ZDHHC18: variants seen among roughly 807,000 people sequenced by gnomAD.
ZDHHC18 encodes the protein zDHHC palmitoyltransferase 18, also known as palmitoyltransferase ZDHHC18.
Under a neutral mutation model 37.5 loss-of-function variants are expected in ZDHHC18, and 23 were observed. The observed-to-expected ratio is 0.61, with a 90% CI of 0.44 to 0.87. The LOEUF (loss-of-function observed/expected upper bound fraction) is 0.87, where lower values mean the gene tolerates loss of function less well. ZDHHC18 is among the 40% of genes least tolerant of loss of function. ZDHHC18 has a pLI of 0.00. For missense variants in ZDHHC18, 406 were observed against 525.6 expected (o/e 0.77, Z 2.22); for synonymous variants, 185 against 218.7 (o/e 0.85, Z 1.36).
At chr1:26,827,184 C>A in intron 1 of ZDHHC18, 45 bp downstream of exon 1, 1 of 1,300,840 alleles carries the variant, frequency 7.7e-7, no homozygotes, top group South Asian at 2.2e-5. Context: ...CCCTGCCGCG[C>A]ACCCCACCTT....
In ZDHHC18 at chr1:26,850,675, T is replaced by C; in HGVS notation, c.833+69T>C. 1 of 1,551,004 alleles carries C rather than the reference T, an allele frequency of 6.4e-7. No homozygotes were observed. Among genetic ancestry groups the C allele is most frequent in the Admixed American group, 1.7e-5 (1 of 57,970 alleles). Reference sequence around the variant, plus strand: ...CCCTTCACTGGGTGGGTGCCCTGCCTCATCCTCTAATCAGAAGGGAACAGC... The same window carrying C: ...CCCTTCACTGGGTGGGTGCCCTGCCCCATCCTCTAATCAGAAGGGAACAGC... On this transcript the variant is annotated intron_variant, in intron 5 of 7. Transcript: ENST00000374142. The surrounding 1 kb of genome is among the most constrained non-coding windows in gnomAD (Gnocchi z 6.1).
rs572380758 is a variant in ZDHHC18, at chr1:26,836,725, C to T, written c.496+4118C>T. The stretch of plus-strand genomic sequence containing the variant: ...CTGGGACTACAGGCACCTGCTACCA[C>T]GCCCAGCTAATTTTTCGTATTTTTA... On this transcript the variant is annotated intron_variant, in intron 2 of 7. Transcript: ENST00000374142. Among the ~76,000 whole-genome samples, 34 of 150,372 alleles carry T rather than the reference C, an allele frequency of 2.3e-4. 1 individual carries two copies. In the South Asian group the frequency reaches 4.4e-3, roughly 19 times the overall value.
In ZDHHC18 at chr1:26,856,038, C is replaced by G. The variant is rs2081732405; in HGVS notation, c.*2195C>G. On this transcript the variant is annotated 3_prime_UTR_variant, in exon 8 of 8. Transcript: ENST00000374142. The surrounding 1 kb of genome is among the most constrained non-coding windows in gnomAD (Gnocchi z 5.2). ...CCCTACTGCCTTTCCACTCCGATCC[C>G]CAATGAGTGCCCAGCTAAGAAAATG... 3 of 351,130 alleles carry G rather than the reference C, an allele frequency of 8.5e-6. No individual in the cohort carries two copies. The highest frequency in any genetic ancestry group is 1.8e-5 in the Non-Finnish European group (3 of 163,170). The allele number at this position is 351,130 out of a possible 1,614,324, so 21.8% of individuals were successfully genotyped here.
intron 2 of ZDHHC18, among the ~76,000 whole-genome samples, chr1:26,836,034 C>G (rs539187428): frequency 6.6e-6 from 1 of 152,198 alleles, no homozygotes; most frequent in East Asian, 1.9e-4. Context: ...TCAGGGCACT[C>G]GGTCACCCTC....
intron 1 of ZDHHC18, chr1:26,832,181 G>A (rs1481253059): frequency 6.7e-6 from 3 of 450,682 alleles, no homozygotes; most frequent in Non-Finnish European, 1.2e-5. Context: ...TGGATGCAGA[G>A]GTTAGGAGTG....
Position 26,854,081 on chromosome 1 carries a change from CCAG to C in ZDHHC18, c.*239_*241del. 1 of 510,188 alleles carries C rather than the reference CCAG, an allele frequency of 2.0e-6. No homozygotes were observed. Among genetic ancestry groups the C allele is most frequent in the Non-Finnish European group, 3.5e-6 (1 of 282,572 alleles). The allele number at this position is 510,188 out of a possible 1,614,324, so 31.6% of individuals were successfully genotyped here. Reference sequence around the variant, plus strand: ...CCCAGCTGATCAGTGCCAGGAGAGACCAGAGCCTCTGGAGGCTACCCAGGGGAC... The same window carrying C: ...CCCAGCTGATCAGTGCCAGGAGAGACAGCCTCTGGAGGCTACCCAGGGGAC... On this transcript the variant is annotated 3_prime_UTR_variant, in exon 8 of 8. Coordinates refer to ENST00000374142, the MANE Select transcript of ZDHHC18 (RefSeq NM_032283.3). The surrounding 1 kb of genome is among the most constrained non-coding windows in gnomAD (Gnocchi z 4.6).
At chr1:26,845,625 G>A (rs926678652) in intron 2 of ZDHHC18, among the ~76,000 whole-genome samples, 9 of 151,552 alleles carry the variant, frequency 5.9e-5, no homozygotes, top group Non-Finnish European at 1.3e-4. Context: ...GAGCCACCGC[G>A]CCCGGCCTCA....
intron 6 of ZDHHC18, among the ~76,000 whole-genome samples, chr1:26,852,218 T>C (rs2081708411): frequency 6.6e-6 from 1 of 152,212 alleles, no homozygotes; most frequent in African/African-American, 2.4e-5. Flanking sequence ...TAGAAAACTC[T>C]AGGTTAAAGT....
At chr1:26,829,265 C>T (rs1346706652) in intron 1 of ZDHHC18, among the ~76,000 whole-genome samples, 2 of 152,112 alleles carry the variant, frequency 1.3e-5, no homozygotes, top group African/African-American at 2.4e-5. Flanking sequence ...TGGATTGTTG[C>T]ACAGGCCTCC....
At chr1:26,834,009 G>A (rs146232400) in intron 2 of ZDHHC18, among the ~76,000 whole-genome samples, 2 of 152,220 alleles carry the variant, frequency 1.3e-5, no homozygotes, top group East Asian at 1.9e-4. Context: ...TACATCCAGC[G>A]TCCTACCCCT....
At chr1:26,845,624 C>T (rs370704679) in intron 2 of ZDHHC18, among the ~76,000 whole-genome samples, 5 of 151,930 alleles carry the variant, frequency 3.3e-5, no homozygotes, top group African/African-American at 7.2e-5. Context: ...TGAGCCACCG[C>T]GCCCGGCCTC....
At chr1:26,839,183 C>T (rs557631167) in intron 2 of ZDHHC18, among the ~76,000 whole-genome samples, 22 of 152,326 alleles carry the variant, frequency 1.4e-4, no homozygotes, top group African/African-American at 5.1e-4. Flanking sequence ...CCTTGCTTTT[C>T]GTCTCATTTT....
chr1:26,827,611 G>A (rs1435570535), intron 1 of ZDHHC18, among the ~76,000 whole-genome samples: 1 of 151,746 alleles, frequency 6.6e-6, no homozygotes, highest in Non-Finnish European at 1.5e-5. Context: ...TCTAGATCTT[G>A]TGTGTCCTTT....
At chr1:26,847,661 T>A (rs566347798) in intron 2 of ZDHHC18, among the ~76,000 whole-genome samples, 25 of 152,230 alleles carry the variant, frequency 1.6e-4, no homozygotes, top group African/African-American at 5.8e-4. Context: ...TAGAATCATC[T>A]CCTCTCTGCC....
At chr1:26,827,365 C>T (rs1298428164) in intron 1 of ZDHHC18, among the ~76,000 whole-genome samples, 3 of 151,086 alleles carry the variant, frequency 2.0e-5, no homozygotes, top group African/African-American at 7.3e-5. Flanking sequence ...CCCATCCGCG[C>T]TGGTGCCCTC....
intron 2 of ZDHHC18, among the ~76,000 whole-genome samples, chr1:26,833,431 G>T (rs891879932): frequency 1.1e-4 from 16 of 152,124 alleles, no homozygotes; most frequent in Admixed American, 1.0e-3. Flanking sequence ...AGGTCAGGTG[G>T]TCAGGGGAGA....
At position 26,856,071 on chromosome 1, in the gene ZDHHC18, C is replaced by G. The variant is rs2081732517; in HGVS notation, c.*2228C>G. On this transcript the variant is annotated 3_prime_UTR_variant, in exon 8 of 8. Coordinates refer to ENST00000374142, the MANE Select transcript of ZDHHC18 (RefSeq NM_032283.3). The surrounding 1 kb of genome is among the most constrained non-coding windows in gnomAD (Gnocchi z 5.2). ...TGCCCAGCTAAGAAAATGTTTGAGACAGTAGATTCCAGTTTGAGAGCCGGA... is the reference window on the plus strand; with the variant it reads ...TGCCCAGCTAAGAAAATGTTTGAGAGAGTAGATTCCAGTTTGAGAGCCGGA... 5.1e-6 allele frequency: 2 copies of G among 394,420 alleles called. No homozygotes were observed. Among genetic ancestry groups the G allele is most frequent in the African/African-American group, 2.0e-5 (1 of 48,846 alleles). 24.4% of individuals were successfully genotyped at this position (394,420 alleles called of 1,614,324 possible).
In ZDHHC18 at chr1:26,832,621, TC is replaced by T; in HGVS notation, c.496+17del. 3 of 1,612,322 alleles carry T rather than the reference TC, an allele frequency of 1.9e-6. No individual in the cohort carries two copies. The highest frequency in any genetic ancestry group is 2.5e-6 in the Non-Finnish European group (3 of 1,178,586). On this transcript the variant is annotated intron_variant, in intron 2 of 7. Transcript: ENST00000374142. ...AGAAACAGATCGGTGAGGTTTCTAC[TC>T]CCAGCTGAAGCTGGGTCTCCATAGC...
At chr1:26,832,649 C>T in intron 2 of ZDHHC18, 42 bp downstream of exon 2, 7 of 1,600,754 alleles carry the variant, frequency 4.4e-6, no homozygotes, top group Non-Finnish European at 6.0e-6. Context: ...CTCCATAGCT[C>T]CACATTCCCT....
Sources: gnomAD v4.1 joint callset for allele counts (sites outside exome capture counted in the v4.1 genomes callset) on GRCh38, gnomAD v4.1.1 for gene constraint, Gnocchi (gnomAD v3.1) non-coding constraint, MANE v1.5 for transcripts, NCBI Gene and HGNC (gene_info 2026-07-23, HGNC 2026-07-21) for gene names.